Variants in DYNC2H1 observed in about 807,000 individuals in gnomAD.
DYNC2H1 encodes the protein dynein cytoplasmic 2 heavy chain 1.
Under a neutral mutation model 570.0 loss-of-function variants are expected in DYNC2H1, and 410 were observed. The observed-to-expected ratio is 0.72, with a 90% confidence interval of 0.66 to 0.78. The LOEUF (loss-of-function observed/expected upper bound fraction) is 0.78, where lower values mean the gene tolerates loss of function less well. Among genes scored for constraint, DYNC2H1 ranks in the 30% least tolerant of loss-of-function variants. The pLI is 0.00. For missense variants in DYNC2H1, 4,865 were observed against 5,046.4 expected (o/e 0.96, Z 1.09); for synonymous variants, 1,688 against 1,677.6 (o/e 1.01, Z -0.15).
rs140804437 is a variant in DYNC2H1, at chr11:103,461,465, GATCT to G, written c.12648+5112_12648+5115del. On this transcript the variant is annotated intron_variant, in intron 87 of 88. Transcript: ENST00000375735. The surrounding 1 kb of genome is among the most constrained non-coding windows in gnomAD (Gnocchi z 4.8). ...GCCCTCTAAAATTCCTGCCATTATT[GATCT>G]ATTATGTGTTAAATAGTACTTGAAA... Among the ~76,000 whole-genome samples, 2,214 of 152,030 alleles carry G rather than the reference GATCT, an allele frequency of 0.015. 51 individuals are homozygous for G. Among genetic ancestry groups the G allele is most frequent in the African/African-American group, 0.051 (2,104 of 41,446 alleles).
chr11:103,304,662 A>G lies in DYNC2H1; in HGVS notation c.11324A>G (p.Asp3775Gly). The G allele has an allele frequency of 6.2e-7, 1 of 1,613,416 alleles. No individual in the cohort carries two copies. The highest frequency in any genetic ancestry group is 8.5e-7 in the Non-Finnish European group (1 of 1,179,552). The change falls in exon 77 of 89, where the codon GAC becomes GGC. Residue 3775 changes from aspartate (D) to glycine (G), a missense_variant. By Grantham distance (94) the Asp-to-Gly change is moderately conservative. This residue lies in a region of DYNC2H1 where 2,401 missense variants were observed against 2,454.6 expected (regional missense o/e 0.98). Coordinates refer to ENST00000375735, the MANE Select transcript of DYNC2H1 (RefSeq NM_001377.3). ...CTAAAAGAATGTGCCCGCAATGGAG[A>G]CTGGCTCTGTTTGAAGAACTTACAT... The part of the protein sequence containing the change: ...QMLKECARNG[D>G]WLCLKNLHLV...
intron 83 of DYNC2H1, among the ~76,000 whole-genome samples, chr11:103,391,090 G>T (rs1329843702): frequency 6.6e-6 from 1 of 152,192 alleles, no homozygotes; most frequent in Admixed American, 6.5e-5. Flanking sequence ...CCTGCAGAGT[G>T]TTTTCCAACT....
intron 40 of DYNC2H1, 101 bp from the exon 41 acceptor site, chr11:103,184,795 A>G: frequency 8.1e-7 from 1 of 1,238,746 alleles, no homozygotes; most frequent in East Asian, 2.4e-5. Context: ...GAGTTTAAAA[A>G]TGGTTCTTGA....
chr11:103,164,195 A>G (rs1476981180), intron 30 of DYNC2H1, among the ~76,000 whole-genome samples: 2 of 140,106 alleles, frequency 1.4e-5, no homozygotes, highest in African/African-American at 2.6e-5. Context: ...AAAGTCTACA[A>G]AAGCAATATT....
chr11:103,249,696 C>G lies in DYNC2H1; in HGVS notation c.10043-3589C>G, dbSNP rs1335793375. ...GAACATAAATCATTTCATAAAACAC[C>G]AACATCAGAGAGGTCACTCTGACTG... On this transcript the variant is annotated intron_variant, in intron 65 of 88. Coordinates refer to ENST00000375735, the MANE Select transcript of DYNC2H1 (RefSeq NM_001377.3). This position sits in a 1 kb window ranked among gnomAD's most constrained non-coding sequence, Gnocchi z 4.6. 6.6e-6 allele frequency among the ~76,000 whole-genome samples: 1 copy of G among 151,928 alleles called. No individual in the cohort carries two copies. Among genetic ancestry groups the G allele is most frequent in the Admixed American group, 6.6e-5 (1 of 15,204 alleles).
At chr11:103,353,845 A>C (rs2566919) in intron 82 of DYNC2H1, among the ~76,000 whole-genome samples, 83,299 of 151,772 alleles carry the variant, frequency 0.55, 24,736 homozygotes, top group Admixed American at 0.66. Context: ...TCAATTACTG[A>C]AATTATTGAT....
At chr11:103,116,073 T>C (rs1051569492) in intron 4 of DYNC2H1, among the ~76,000 whole-genome samples, 1 of 152,222 alleles carries the variant, frequency 6.6e-6, no homozygotes, top group Non-Finnish European at 1.5e-5. Context: ...AATTTTCTAC[T>C]CATTTCCACT....
intron 59 of DYNC2H1, among the ~76,000 whole-genome samples, chr11:103,223,573 A>ACG (rs1440987987): frequency 5.5e-5 from 3 of 54,764 alleles, no homozygotes; most frequent in Non-Finnish European, 7.5e-5. Context: ...TTTTTAGTAG[A>ACG]GACTAAAATA....
At chr11:103,198,358 C>T (rs1862582991) in intron 48 of DYNC2H1, among the ~76,000 whole-genome samples, 1 of 152,072 alleles carries the variant, frequency 6.6e-6, no homozygotes, top group Admixed American at 6.6e-5. Context: ...CTTTAGAGAG[C>T]ATTAGAGTCA....
At position 103,479,273 on chromosome 11, in the gene DYNC2H1, C is replaced by T; in HGVS notation, c.*20C>T. The T allele has an allele frequency of 6.3e-7, 1 of 1,599,230 alleles. No individual in the cohort carries two copies. Among genetic ancestry groups the T allele is most frequent in the Non-Finnish European group, 8.5e-7 (1 of 1,171,402 alleles). Reference sequence around the variant, plus strand: ...CAGTAGAATCTAATGACAACAAAAGCCATCTTCACAAAAGGGAACATTGAT... The same window carrying T: ...CAGTAGAATCTAATGACAACAAAAGTCATCTTCACAAAAGGGAACATTGAT... On this transcript the variant is annotated 3_prime_UTR_variant, in exon 89 of 89. Transcript: ENST00000375735.
intron 54 of DYNC2H1, among the ~76,000 whole-genome samples, chr11:103,212,819 G>T (rs1281557492): frequency 6.6e-6 from 1 of 152,002 alleles, no homozygotes; most frequent in Non-Finnish European, 1.5e-5. Flanking sequence ...TTTGGGGAGG[G>T]TTAATTTCCT....
Position 103,399,819 on chromosome 11 carries a change from A to G in DYNC2H1, c.12313A>G (p.Thr4105Ala), listed in dbSNP as rs1942563211. 6.2e-7 allele frequency: 1 copy of G among 1,613,972 alleles called. No homozygotes were observed. The highest frequency in any genetic ancestry group is 2.2e-5 in the East Asian group (1 of 44,850). Reference protein sequence around the residue: ...AALSKVIRGTTLLSSEVQKLA... With the variant: ...AALSKVIRGTALLSSEVQKLA... ...TCTCAGCAAAGTCATCAGAGGAACTACTTTACTGAGTTCAGAAGTACAAAA... is the reference window on the plus strand; with the variant it reads ...TCTCAGCAAAGTCATCAGAGGAACTGCTTTACTGAGTTCAGAAGTACAAAA... The change falls in exon 84 of 89, where the codon ACT becomes GCT. Residue 4105 changes from threonine (T) to alanine (A), a missense_variant. Physicochemically the swap from Thr to Ala is moderately conservative, Grantham distance 58 (BLOSUM62 0). Transcript: ENST00000375735.
intron 83 of DYNC2H1, among the ~76,000 whole-genome samples, chr11:103,392,886 ATT>A (rs5794232): frequency 0.59 from 86,387 of 145,734 alleles, 25,355 homozygotes; most frequent in Admixed American, 0.67. Flanking sequence ...TCCTGAAACT[ATT>A]TTTTTTTTTT....
chr11:103,114,234 A>T lies in DYNC2H1; in HGVS notation c.498A>T (p.Thr166=). 1 of 1,587,298 alleles carries T rather than the reference A, an allele frequency of 6.3e-7. No homozygotes were observed. The highest frequency in any genetic ancestry group is 1.8e-4 in the Middle Eastern group (1 of 5,524). Reference sequence around the variant, plus strand: ...AATTGAAATTTAAGGAAGATGACACACGAGGTATATAACCATAGCTTAATA... The same window carrying T: ...AATTGAAATTTAAGGAAGATGACACTCGAGGTATATAACCATAGCTTAATA... ...LTKLKFKEDD[T]RGILTPSDEF... Residue 166 remains threonine, a synonymous_variant, in exon 3 of 89, where the codon ACA becomes ACT. Coordinates refer to ENST00000375735, the MANE Select transcript of DYNC2H1 (RefSeq NM_001377.3).
chr11:103,414,002 A>G (rs1943187656), intron 84 of DYNC2H1, among the ~76,000 whole-genome samples: 1 of 152,176 alleles, frequency 6.6e-6, no homozygotes, highest in Admixed American at 6.5e-5. Flanking sequence ...TGCCATGCTA[A>G]AAGAAGTTTT....
At chr11:103,332,566 C>A (rs896487638) in intron 82 of DYNC2H1, among the ~76,000 whole-genome samples, 15 of 152,248 alleles carry the variant, frequency 9.9e-5, no homozygotes, top group African/African-American at 3.6e-4. Flanking sequence ...ACACCACATA[C>A]AAGAAACAAA....
intron 83 of DYNC2H1, among the ~76,000 whole-genome samples, chr11:103,391,292 C>T (rs1942139619): frequency 6.6e-6 from 1 of 152,194 alleles, no homozygotes; most frequent in Admixed American, 6.5e-5. Context: ...ATTGAATTGG[C>T]TACTGAAGCT....
At chr11:103,445,592 T>G (rs1244340657) in intron 85 of DYNC2H1, among the ~76,000 whole-genome samples, 2 of 152,178 alleles carry the variant, frequency 1.3e-5, no homozygotes, top group East Asian at 3.9e-4. Context: ...ATTTTCATAT[T>G]AAACTTGTGG....
At chr11:103,407,185 GA>G (rs1359644573) in intron 84 of DYNC2H1, 45 of 151,792 alleles carry the variant, frequency 3.0e-4, no homozygotes, top group African/African-American at 1.0e-3. Flanking sequence ...CTAGTATTGT[GA>G]TAAGAGTTCC....
Sources: allele counts gnomAD v4.1 joint callset (sites outside exome capture counted in the v4.1 genomes callset), GRCh38; gene constraint gnomAD v4.1.1; regional missense constraint gnomAD v4.1.1; non-coding constraint Gnocchi (gnomAD v3.1); transcripts MANE v1.5; gene names NCBI Gene and HGNC (gene_info 2026-07-23, HGNC 2026-07-21).